The following CACNA1E variants were observed in gnomAD, a reference collection of about 807,000 sequenced individuals.
CACNA1E encodes voltage-dependent R-type calcium channel subunit alpha-1E.
In CACNA1E, 40 loss-of-function variants were observed where a neutral mutation model predicts 259.2. The ratio of observed to expected loss-of-function variants is 0.15; its 90% CI spans 0.12 to 0.20. CACNA1E has a LOEUF of 0.20. Ranked by LOEUF, CACNA1E falls within the 10% of genes least tolerant of loss-of-function variation. The pLI is 1.00. For synonymous variants in CACNA1E, 1,104 were observed against 1,138.5 expected, an observed-to-expected ratio of 0.97 and a Z score of 0.61; for missense variants, 1,874 against 3,040.1, an observed-to-expected ratio of 0.62 and a Z score of 9.02.
rs2102480359 is a variant in CACNA1E at position 181,485,898 on chromosome 1, G to A, written c.266+1888G>A. Among the ~76,000 whole-genome samples the A allele has an allele frequency of 6.6e-6, 1 of 152,350 alleles. No homozygotes were observed. Among genetic ancestry groups the A allele is most frequent in the African/African-American group, 2.4e-5 (1 of 41,590 alleles). On this transcript the variant is annotated intron_variant, in intron 1 of 47. Transcript: ENST00000367573. This position sits in a 1 kb window ranked among gnomAD's most constrained non-coding sequence, Gnocchi z 4.2. The stretch of plus-strand genomic sequence containing the variant: ...CCAACCGCCCCGCGGGTGGCAAAGT[G>A]TGCCAGCAGCCATCGTTGGCACCTC...
chr1:181,482,576 C>G (rs898335692), upstream of CACNA1E, among the ~76,000 whole-genome samples: 1 of 152,260 alleles, frequency 6.6e-6, no homozygotes. Context: ...GCCTGGCCAG[C>G]TCCTCCCCCG....
chr1:181,374,966 A>G (rs1035885585), intron 1 of CACNA1E, among the ~76,000 whole-genome samples: 1 of 152,232 alleles, frequency 6.6e-6, no homozygotes, highest in African/African-American at 2.4e-5. Context: ...TAAATATAAA[A>G]GATACAAAAG....
intron 1 of CACNA1E, among the ~76,000 whole-genome samples, chr1:181,493,808 T>C (rs1664513420): frequency 6.6e-6 from 1 of 152,246 alleles, no homozygotes. Context: ...GAATACATGA[T>C]GAGTCAGAAA....
At chr1:181,765,769 C>A (rs1046580609) in intron 34 of CACNA1E, among the ~76,000 whole-genome samples, 3 of 152,178 alleles carry the variant, frequency 2.0e-5, no homozygotes, top group Admixed American at 2.0e-4. Flanking sequence ...ATTACAGTGT[C>A]CCACTCTGGC....
intron 35 of CACNA1E, among the ~76,000 whole-genome samples, chr1:181,767,140 A>G (rs1027611238): frequency 4.6e-5 from 7 of 152,208 alleles, no homozygotes; most frequent in African/African-American, 7.2e-5. Context: ...TGAACAACTC[A>G]TGGAGTTCCT....
rs1266260674 is a variant in CACNA1E, at chr1:181,806,730, T to G, written c.*7896T>G. Reference sequence around the variant, plus strand: ...AAAAATAAAAGAAAGATGAAAAACTTTAATGTTTTGGGGGGGATAAAAGAA... The same window carrying G: ...AAAAATAAAAGAAAGATGAAAAACTGTAATGTTTTGGGGGGGATAAAAGAA... On this transcript the variant is annotated 3_prime_UTR_variant, in exon 48 of 48. Coordinates refer to ENST00000367573, the MANE Select transcript of CACNA1E (RefSeq NM_001205293.3). The G allele has an allele frequency of 6.6e-6, 1 of 152,142 alleles. No homozygotes were observed. The highest frequency in any genetic ancestry group is 1.9e-4 in the East Asian group (1 of 5,188). 9.4% of individuals were successfully genotyped at this position (152,142 alleles called of 1,614,324 possible).
intron 27 of CACNA1E, 91 bp from the exon 28 acceptor site, chr1:181,755,146 T>C: frequency 1.1e-6 from 1 of 949,818 alleles, no homozygotes. Flanking sequence ...TTGGTGGGGC[T>C]GGGTAGTGGT....
At chr1:181,364,826 C>T (rs1434252797) in intron 1 of CACNA1E, among the ~76,000 whole-genome samples, 3 of 152,170 alleles carry the variant, frequency 2.0e-5, no homozygotes, top group Non-Finnish European at 4.4e-5. Flanking sequence ...TCTTGGGCTC[C>T]AGTCTTCCAC....
chr1:181,745,203 T>A (rs763768730), intron 25 of CACNA1E: 42 of 296,534 alleles, frequency 1.4e-4, no homozygotes, highest in Admixed American at 6.6e-4. Context: ...AGCATGCATA[T>A]TTTTTAGTGA....
chr1:181,355,933 C>T (rs1214141736), intron 1 of CACNA1E, among the ~76,000 whole-genome samples: 1 of 152,192 alleles, frequency 6.6e-6, no homozygotes, highest in Non-Finnish European at 1.5e-5. Flanking sequence ...TTGCATATTA[C>T]TTTGTGATCC....
chr1:181,779,431 C>A, intron 38 of CACNA1E: 1 of 443,390 alleles, frequency 2.3e-6, no homozygotes, highest in South Asian at 1.6e-5. Context: ...CCCACCTGTG[C>A]TTCCTTTACA....
chr1:181,794,769 C>G, intron 45 of CACNA1E, 95 bp from the exon 46 acceptor site: 1 of 1,148,928 alleles, frequency 8.7e-7, no homozygotes, highest in South Asian at 1.6e-5. Flanking sequence ...TACAATTTGC[C>G]TTCCTTAACG....
intron 7 of CACNA1E, among the ~76,000 whole-genome samples, chr1:181,669,465 A>G (rs1004321667): frequency 6.6e-6 from 1 of 152,076 alleles, no homozygotes; most frequent in Admixed American, 6.5e-5. Context: ...GGGAACTCTG[A>G]CTCATCCTTC....
At chr1:181,452,711 G>A (rs10752857) in intron 2 of CACNA1E, among the ~76,000 whole-genome samples, 64,746 of 152,098 alleles carry the variant, frequency 0.43, 15,269 homozygotes, top group African/African-American at 0.65. Flanking sequence ...ACCCTCCTCC[G>A]AAGTTGGTGT....
chr1:181,464,119 T>A (rs182226834), intron 2 of CACNA1E, among the ~76,000 whole-genome samples: 18 of 152,222 alleles, frequency 1.2e-4, no homozygotes, highest in Admixed American at 2.0e-4. Flanking sequence ...TATTTGTATA[T>A]CCCTCTCACC....
chr1:181,730,580 G>A (rs1386816402), intron 18 of CACNA1E, among the ~76,000 whole-genome samples: 1 of 152,230 alleles, frequency 6.6e-6, no homozygotes, highest in Non-Finnish European at 1.5e-5. Context: ...AAAGGCAGAG[G>A]TCACTGCTCA....
At chr1:181,471,699 C>T (rs1042740441) in intron 2 of CACNA1E, among the ~76,000 whole-genome samples, 7 of 152,078 alleles carry the variant, frequency 4.6e-5, no homozygotes, top group South Asian at 2.1e-4. Context: ...AATAAAGGGC[C>T]GTGAATGCTT....
intron 2 of CACNA1E, among the ~76,000 whole-genome samples, chr1:181,470,936 C>G (rs1662464121): frequency 6.6e-6 from 1 of 152,178 alleles, no homozygotes; most frequent in Admixed American, 6.5e-5. Context: ...TAACAAAATA[C>G]TCTAGAACGG....
intron 44 of CACNA1E, 84 bp from the exon 45 acceptor site, chr1:181,793,581 T>C: frequency 4.1e-6 from 6 of 1,454,692 alleles, no homozygotes; most frequent in Non-Finnish European, 5.6e-6. Context: ...AAGCCATTCT[T>C]GAGGAGGCTG....
Sources: allele counts gnomAD v4.1 joint callset (sites outside exome capture counted in the v4.1 genomes callset), GRCh38; gene constraint gnomAD v4.1.1; non-coding constraint Gnocchi (gnomAD v3.1); transcripts MANE v1.5; gene names NCBI Gene and HGNC (gene_info 2026-07-23, HGNC 2026-07-21).